The following CNKSR3 variants were observed in gnomAD, a reference collection of about 807,000 sequenced individuals.
CNKSR3 encodes the protein CNKSR family member 3, also known as connector enhancer of kinase suppressor of ras 3.
A neutral mutation model predicts 67.7 loss-of-function variants in CNKSR3; 36 were observed. The observed-to-expected ratio is 0.53, with a 90% CI of 0.41 to 0.70. The LOEUF (loss-of-function observed/expected upper bound fraction) is 0.70, where lower values mean the gene tolerates loss of function less well. Among genes scored for constraint, CNKSR3 ranks in the 30% least tolerant of loss-of-function variants. The pLI is 0.00. For missense variants in CNKSR3, 630 were observed against 695.2 expected (o/e 0.91, Z 1.05); for synonymous variants, 281 against 271.4 (o/e 1.04, Z -0.35).
At chr6:154,489,273 G>A (rs377721809) in intron 1 of CNKSR3, among the ~76,000 whole-genome samples, 2 of 152,180 alleles carry the variant, frequency 1.3e-5, no homozygotes, top group South Asian at 4.1e-4. Context: ...ACTCACGCCT[G>A]TAATTCCAGC....
At chr6:154,420,663 T>C (rs1448098143) in intron 9 of CNKSR3, among the ~76,000 whole-genome samples, 2 of 113,206 alleles carry the variant, frequency 1.8e-5, no homozygotes, top group Admixed American at 1.3e-4. Flanking sequence ...CACTCCAGCC[T>C]GGGCGACAGA....
chr6:154,441,227 C>T, intron 4 of CNKSR3, 65 bp downstream of exon 4: 1 of 1,135,012 alleles, frequency 8.8e-7, no homozygotes, highest in South Asian at 1.4e-5. Context: ...AAAATCCTTT[C>T]AAGAAGAGGA....
chr6:154,487,990 A>G (rs1176566245), intron 1 of CNKSR3, among the ~76,000 whole-genome samples: 1 of 152,232 alleles, frequency 6.6e-6, no homozygotes, highest in African/African-American at 2.4e-5. Context: ...AACTACATGA[A>G]ACAAAAAACA....
Position 154,450,225 on chromosome 6 carries a change from T to C in CNKSR3, c.86A>G (p.Lys29Arg). 6.2e-7 allele frequency: 1 copy of C among 1,614,176 alleles called. No homozygotes were observed. The highest frequency in any genetic ancestry group is 8.5e-7 in the Non-Finnish European group (1 of 1,180,032). Residue 29 changes from lysine (K) to arginine (R), a missense_variant, in exon 2 of 13, where the codon AAG becomes AGG. Around this residue, in one of 3 missense-constraint regions of CNKSR3, gnomAD observed 189 missense variants for 205.0 expected, o/e 0.92. Transcript: ENST00000607772. ...GCCGTTGATCTTCTCTCGTTCAAAC[T>C]TGTGGACATATTGTTGCAGGCAGTC... is the stretch of plus-strand genomic sequence containing the variant. ...LDDCLQQYVH[K>R]FEREKINGEQ...
At chr6:154,461,480 C>G (rs1163165983) in intron 1 of CNKSR3, among the ~76,000 whole-genome samples, 1 of 152,182 alleles carries the variant, frequency 6.6e-6, no homozygotes, top group African/African-American at 2.4e-5. Flanking sequence ...ACTATACAGG[C>G]CAGGAGAAAC....
At chr6:154,439,628 A>C (rs1361774693) in intron 4 of CNKSR3, among the ~76,000 whole-genome samples, 2 of 152,220 alleles carry the variant, frequency 1.3e-5, no homozygotes, top group Non-Finnish European at 2.9e-5. Flanking sequence ...GCAGTGGCTT[A>C]TGCCTGTAAT....
At chr6:154,409,966 G>A (rs1219437696) in intron 12 of CNKSR3, among the ~76,000 whole-genome samples, 1 of 151,974 alleles carries the variant, frequency 6.6e-6, no homozygotes, top group African/African-American at 2.4e-5. Flanking sequence ...AGGATCACTT[G>A]AGTCCAGGAG....
intron 1 of CNKSR3, among the ~76,000 whole-genome samples, chr6:154,472,403 C>T (rs1182697223): frequency 6.6e-6 from 1 of 152,148 alleles, no homozygotes; most frequent in Non-Finnish European, 1.5e-5. Flanking sequence ...GAAGGTACTC[C>T]ACTGCCTCTG....
At chr6:154,484,135 C>A (rs1423880467) in intron 1 of CNKSR3, among the ~76,000 whole-genome samples, 2 of 152,262 alleles carry the variant, frequency 1.3e-5, no homozygotes, top group East Asian at 3.9e-4. Flanking sequence ...ATGTCATTAA[C>A]GACAAAATAA....
chr6:154,510,441 C>T lies in CNKSR3; in HGVS notation c.-327G>A, dbSNP rs1433196851. On this transcript the variant is annotated 5_prime_UTR_variant, in exon 1 of 13. Transcript: ENST00000607772. Reference sequence around the variant, plus strand: ...CCCCAGACCCCTGGCCTCGGCTCGGCACGGGAGCCTCCCGGCCCGCGACCA... The same window carrying T: ...CCCCAGACCCCTGGCCTCGGCTCGGTACGGGAGCCTCCCGGCCCGCGACCA... The T allele has an allele frequency of 5.1e-6, 2 of 391,388 alleles. No individual in the cohort carries two copies. The highest frequency in any genetic ancestry group is 2.2e-5 in the African/African-American group (1 of 46,266). The allele number at this position is 391,388 out of a possible 1,614,324, so 24.2% of individuals were successfully genotyped here. A position where few individuals can be genotyped will look rare whatever the true frequency, so the allele number is the denominator to read the frequency against.
intron 1 of CNKSR3, among the ~76,000 whole-genome samples, chr6:154,486,290 TCTCTTTTTC>T: frequency 1.4e-5 from 2 of 142,130 alleles, no homozygotes; most frequent in African/African-American, 5.8e-5. Flanking sequence ...TTTCTCTCTC[TCTCTTTTTC>T]TTTTTTTTTT....
intron 12 of CNKSR3, among the ~76,000 whole-genome samples, chr6:154,409,260 G>A (rs1214726036): frequency 1.3e-5 from 2 of 152,128 alleles, no homozygotes; most frequent in Non-Finnish European, 2.9e-5. Context: ...AAAGCCTATT[G>A]TACTTTAACT....
chr6:154,487,818 T>C (rs776549985), intron 1 of CNKSR3, among the ~76,000 whole-genome samples: 1 of 152,242 alleles, frequency 6.6e-6, no homozygotes, highest in Non-Finnish European at 1.5e-5. Flanking sequence ...TTTAGGGTTT[T>C]ACCTTCTTCC....
chr6:154,406,344 A>C lies in CNKSR3; in HGVS notation c.*10T>G. 6.2e-7 allele frequency: 1 copy of C among 1,604,940 alleles called. No individual in the cohort carries two copies. The highest frequency in any genetic ancestry group is 1.1e-5 in the South Asian group (1 of 89,968). On this transcript the variant is annotated 3_prime_UTR_variant, in exon 13 of 13. Transcript: ENST00000607772. ...CAGGAGCCAGGCAGGTGGCCTGAGC[A>C]GGGTCCCTCTCAGTGAGTCAACAGT...
chr6:154,493,432 T>A (rs1452748361), intron 1 of CNKSR3, among the ~76,000 whole-genome samples: 1 of 152,150 alleles, frequency 6.6e-6, no homozygotes, highest in African/African-American at 2.4e-5. Flanking sequence ...TCCTCAGCTC[T>A]CAGAACAGTG....
intron 1 of CNKSR3, among the ~76,000 whole-genome samples, chr6:154,502,729 G>GC (rs1023112352): frequency 6.6e-6 from 1 of 152,182 alleles, no homozygotes; most frequent in African/African-American, 2.4e-5. Context: ...GAGAACAAAT[G>GC]CAGAAGTGCC....
At position 154,430,586 on chromosome 6, in the gene CNKSR3, C is replaced by A. The variant is rs371039058; in HGVS notation, c.555G>T (p.Lys185Asn). Residue 185 changes from lysine to asparagine, a missense_variant, in exon 6 of 13, where the codon AAG becomes AAT. Around this residue, in one of 3 missense-constraint regions of CNKSR3, gnomAD observed 133 missense variants for 190.6 expected, o/e 0.70. Coordinates refer to ENST00000607772, the MANE Select transcript of CNKSR3 (RefSeq NM_173515.4). ...EMEDKVLTVV[K>N]VLNGICDKTI... ...TTTTGTCACAGATGCCATTTAAAAC[C>A]TTGACCTAGAATTGGAGAAGCAAAT... is the stretch of plus-strand genomic sequence containing the variant. 2.5e-6 allele frequency: 4 copies of A among 1,607,092 alleles called. No homozygotes were observed. In the East Asian group the frequency reaches 9.0e-5, roughly 36 times the overall value.
chr6:154,481,131 C>T (rs972422318), intron 1 of CNKSR3, among the ~76,000 whole-genome samples: 3 of 149,610 alleles, frequency 2.0e-5, no homozygotes, highest in Admixed American at 6.7e-5. Flanking sequence ...TTTATTTGTG[C>T]TTGTTTGATA....
Position 154,390,798 on chromosome 6 carries a change from C to CTTTTTTT in CNKSR3, c.*15549_*15555dup, listed in dbSNP as rs71021052. 8 of 103,066 alleles carry CTTTTTTT rather than the reference C, an allele frequency of 7.8e-5. 1 individual carries two copies. The highest frequency in any genetic ancestry group is 9.3e-5 in the Non-Finnish European group (5 of 53,990). 6.4% of individuals were successfully genotyped at this position (103,066 alleles called of 1,614,324 possible). A position where few individuals can be genotyped will look rare whatever the true frequency, so the allele number is the denominator to read the frequency against. ...TCAGCAGCACTGGTTTCTTCTGAGG[C>CTTTTTTT]TTTTTTTTTTTTTTTTTTTTGAGAT... On this transcript the variant is annotated 3_prime_UTR_variant, in exon 13 of 13. Coordinates refer to ENST00000607772, the MANE Select transcript of CNKSR3 (RefSeq NM_173515.4).
Sources: gnomAD v4.1 joint callset for allele counts (sites outside exome capture counted in the v4.1 genomes callset) on GRCh38, gnomAD v4.1.1 for gene constraint, gnomAD v4.1.1 regional missense constraint, MANE v1.5 for transcripts, NCBI Gene and HGNC (gene_info 2026-07-23, HGNC 2026-07-21) for gene names.